Variants in CCSER1 observed in about 807,000 individuals in gnomAD.
CCSER1 encodes the protein coiled-coil serine rich protein 1.
In CCSER1, 41 loss-of-function variants were observed where a neutral mutation model predicts 82.0. The observed-to-expected ratio is 0.50, with a 90% CI of 0.39 to 0.65. The LOEUF (loss-of-function observed/expected upper bound fraction) is 0.65. CCSER1 is among the 30% of genes least tolerant of loss of function. The probability of loss-of-function intolerance (pLI) is 0.00; values close to 1 mark genes in which losing one functional copy is unlikely to be tolerated. For synonymous variants in CCSER1, 414 were observed against 383.9 expected (o/e 1.08, Z -0.92); for missense variants, 1,119 against 1,064.2 (o/e 1.05, Z -0.72).
intron 4 of CCSER1, among the ~76,000 whole-genome samples, chr4:90,455,235 T>C (rs1762013233): frequency 6.6e-6 from 1 of 152,218 alleles, no homozygotes; most frequent in South Asian, 2.1e-4. Flanking sequence ...ATACTTCATT[T>C]CTGAGGCCAT....
intron 6 of CCSER1, among the ~76,000 whole-genome samples, chr4:90,712,835 A>G (rs183266260): frequency 1.8e-3 from 270 of 148,926 alleles, no homozygotes; most frequent in African/African-American, 6.5e-3. Context: ...TTGAGTGTAT[A>G]TATATTTAGG....
intron 10 of CCSER1, among the ~76,000 whole-genome samples, chr4:91,318,722 T>A (rs566817906): frequency 6.6e-6 from 1 of 152,188 alleles, no homozygotes; most frequent in African/African-American, 2.4e-5. Flanking sequence ...CATAACTTTT[T>A]ATATGTTGTT....
At chr4:91,141,563 A>G (rs55930957) in intron 10 of CCSER1, among the ~76,000 whole-genome samples, 31,700 of 152,144 alleles carry the variant, frequency 0.21, 4,396 homozygotes, top group Non-Finnish European at 0.31. Context: ...TGTCTTTGCT[A>G]TTGTGAATAG....
intron 1 of CCSER1, among the ~76,000 whole-genome samples, chr4:90,139,899 C>A (rs1432030849): frequency 6.6e-6 from 1 of 152,070 alleles, no homozygotes; most frequent in Non-Finnish European, 1.5e-5. Context: ...GAGGAGGTTA[C>A]AGTGAGCTGA....
intron 1 of CCSER1, among the ~76,000 whole-genome samples, chr4:90,290,941 C>T (rs10516867): frequency 0.12 from 16,339 of 139,726 alleles, 965 homozygotes; most frequent in Middle Eastern, 0.22. Flanking sequence ...TTATAATTTC[C>T]GAATTTGTCT....
chr4:91,455,021 C>A (rs1409226014), intron 10 of CCSER1, among the ~76,000 whole-genome samples: 1 of 151,954 alleles, frequency 6.6e-6, no homozygotes, highest in East Asian at 1.9e-4. Flanking sequence ...TTTTTTCCAA[C>A]TTCTAAAAAA....
chr4:90,805,665 A>G (rs1757411710), intron 7 of CCSER1, among the ~76,000 whole-genome samples: 1 of 152,216 alleles, frequency 6.6e-6, no homozygotes, highest in Non-Finnish European at 1.5e-5. Context: ...ATTTATGGAT[A>G]ATTATTGAAT....
At chr4:91,108,213 A>G (rs548945954) in intron 10 of CCSER1, 1 of 152,350 alleles carries the variant, frequency 6.6e-6, no homozygotes, top group Middle Eastern at 3.4e-3. Flanking sequence ...CATTGCCAAT[A>G]TGTGATTCCT....
chr4:91,223,680 A>G (rs1486995602), intron 10 of CCSER1, among the ~76,000 whole-genome samples: 1 of 152,116 alleles, frequency 6.6e-6, no homozygotes, highest in Non-Finnish European at 1.5e-5. Flanking sequence ...AAATGGTGGG[A>G]AGATTTGAGA....
At chr4:90,729,468 GTT>G (rs1744307733) in intron 7 of CCSER1, among the ~76,000 whole-genome samples, 1 of 152,130 alleles carries the variant, frequency 6.6e-6, no homozygotes, top group Non-Finnish European at 1.5e-5. Context: ...TAATGGAAAT[GTT>G]TATTAATTTT....
chr4:91,080,511 G>A (rs55756658), intron 9 of CCSER1, among the ~76,000 whole-genome samples: 45,580 of 151,926 alleles, frequency 0.3, 7,941 homozygotes, highest in East Asian at 0.45. Context: ...AAAAGAACTA[G>A]AAAGCAAGAG....
At chr4:91,527,284 G>C (rs1760813525) in intron 10 of CCSER1, among the ~76,000 whole-genome samples, 1 of 152,160 alleles carries the variant, frequency 6.6e-6, no homozygotes, top group Admixed American at 6.5e-5. Flanking sequence ...CTGAGATTAA[G>C]TTGAAAATAC....
chr4:91,154,824 A>G (rs1361982279), intron 10 of CCSER1, among the ~76,000 whole-genome samples: 1 of 152,030 alleles, frequency 6.6e-6, no homozygotes, highest in Non-Finnish European at 1.5e-5. Flanking sequence ...TATCAGGCGC[A>G]GTTTTAAGTG....
intron 1 of CCSER1, among the ~76,000 whole-genome samples, chr4:90,283,817 T>G (rs1222557573): frequency 6.6e-6 from 1 of 152,106 alleles, no homozygotes; most frequent in East Asian, 1.9e-4. Context: ...TTCGTTGTAT[T>G]GATTTCCTTT....
chr4:90,538,757 T>C (rs1775737504), intron 5 of CCSER1, among the ~76,000 whole-genome samples: 1 of 152,092 alleles, frequency 6.6e-6, no homozygotes, highest in Non-Finnish European at 1.5e-5. Context: ...ATGAAATCTC[T>C]AGATTGTCTC....
chr4:91,358,398 T>G (rs1181798788), intron 10 of CCSER1, among the ~76,000 whole-genome samples: 3 of 149,982 alleles, frequency 2.0e-5, no homozygotes, highest in African/African-American at 7.4e-5. Flanking sequence ...CACGTTGTTT[T>G]TTTTTTTTTT....
At chr4:90,984,437 G>C (rs1240516465) in intron 9 of CCSER1, among the ~76,000 whole-genome samples, 1 of 151,680 alleles carries the variant, frequency 6.6e-6, no homozygotes, top group Admixed American at 6.6e-5. Context: ...TCCTGGTAAT[G>C]GCTGCCAGTA....
intron 9 of CCSER1, among the ~76,000 whole-genome samples, chr4:91,040,432 G>A (rs189439029): frequency 1.3e-5 from 2 of 152,230 alleles, no homozygotes; most frequent in East Asian, 1.9e-4. Flanking sequence ...ACCAGAAACA[G>A]CTAATATTTT....
At chr4:90,563,523 T>G (rs1187267199) in intron 5 of CCSER1, among the ~76,000 whole-genome samples, 3 of 152,112 alleles carry the variant, frequency 2.0e-5, no homozygotes, top group Non-Finnish European at 2.9e-5. Context: ...TTTCTATCAG[T>G]GAGATTATGT....
Sources: gnomAD v4.1 joint callset for allele counts (sites outside exome capture counted in the v4.1 genomes callset) on GRCh38, gnomAD v4.1.1 for gene constraint, MANE v1.5 for transcripts, NCBI Gene and HGNC (gene_info 2026-07-23, HGNC 2026-07-21) for gene names.